Variants in PCDHGA2 observed in about 807,000 individuals in gnomAD.
PCDHGA2 encodes protocadherin gamma-A2.
Under a neutral mutation model 59.2 loss-of-function variants are expected in PCDHGA2, and 40 were observed. That is an observed-to-expected ratio of 0.68 (90% CI 0.52 to 0.88). The LOEUF (loss-of-function observed/expected upper bound fraction) is 0.88. Ranked by LOEUF, PCDHGA2 falls within the 40% of genes least tolerant of loss-of-function variation. The pLI, the probability that PCDHGA2 is intolerant of heterozygous loss-of-function variation, is 0.00. For synonymous variants in PCDHGA2, 560 were observed against 526.0 expected (o/e 1.06, Z -0.89); for missense variants, 1,226 against 1,204.0 (o/e 1.02, Z -0.27).
At chr5:141,499,019 AG>A (rs2099788634) in intron 2 of PCDHGA2, among the ~76,000 whole-genome samples, 3 of 150,840 alleles carry the variant, frequency 2.0e-5, no homozygotes, top group Non-Finnish European at 3.0e-5. Context: ...GAAGGAAGGA[AG>A]GAAGGAAGAA....
At position 141,440,639 on chromosome 5, in the gene PCDHGA2, T is replaced by C. The variant is rs2098191350; in HGVS notation, c.2425-54168T>C. On this transcript the variant is annotated intron_variant, in intron 1 of 3. Coordinates refer to ENST00000394576, the MANE Select transcript of PCDHGA2 (RefSeq NM_018915.4). ...GATCCTGATGTTGAGAGAAATTCCT[T>C]ACAAAATTATCACCTTAGCAGCAAC... 2 of 152,192 alleles carry C rather than the reference T, an allele frequency of 1.3e-5. 1 individual carries two copies. The highest frequency in any genetic ancestry group is 4.8e-5 in the African/African-American group (2 of 41,440). The allele number at this position is 152,192 out of a possible 1,614,324, so 9.4% of individuals were successfully genotyped here.
chr5:141,473,147 T>A (rs2099315103), intron 1 of PCDHGA2, among the ~76,000 whole-genome samples: 1 of 152,222 alleles, frequency 6.6e-6, no homozygotes, highest in Admixed American at 6.5e-5. Flanking sequence ...TCTCTTCAGA[T>A]CACTAGGGCT....
At chr5:141,345,388 T>C in intron 1 of PCDHGA2, 1 of 1,613,834 alleles carries the variant, frequency 6.2e-7, no homozygotes, top group South Asian at 1.1e-5. Context: ...CCACCCACCT[T>C]CCCTCATTTA....
At chr5:141,505,574 C>T (rs1275802375) in intron 3 of PCDHGA2, 93 bp downstream of exon 3, 13 of 1,593,636 alleles carry the variant, frequency 8.2e-6, no homozygotes, top group Non-Finnish European at 1.1e-5. Context: ...GGATGTCAAA[C>T]CTGTGTAGTT....
intron 1 of PCDHGA2, chr5:141,364,994 C>T: frequency 1.2e-6 from 2 of 1,613,924 alleles, no homozygotes; most frequent in Non-Finnish European, 1.7e-6. Flanking sequence ...AGACCCGGTA[C>T]TCTCCGGCAC....
chr5:141,372,395 C>G (rs1768730158), intron 1 of PCDHGA2: 1 of 1,613,942 alleles, frequency 6.2e-7, no homozygotes, highest in Admixed American at 1.7e-5. Context: ...TCGCAGATAG[C>G]TTGCAAGAGA....
intron 1 of PCDHGA2, among the ~76,000 whole-genome samples, chr5:141,480,259 G>A (rs1285833242): frequency 2.0e-5 from 3 of 151,174 alleles, no homozygotes; most frequent in African/African-American, 7.3e-5. Flanking sequence ...AAAAAAATGT[G>A]TTTTCATTAG....
At chr5:141,372,626 C>T (rs1385028650) in intron 1 of PCDHGA2, 3 of 1,613,792 alleles carry the variant, frequency 1.9e-6, no homozygotes, top group East Asian at 2.2e-5. Context: ...CCACCTACAG[C>T]GAAAGGACTT....
intron 1 of PCDHGA2, chr5:141,394,190 G>A (rs1370592594): frequency 1.9e-6 from 3 of 1,613,800 alleles, no homozygotes; most frequent in African/African-American, 1.3e-5. Context: ...CCTACTCAGC[G>A]TATATCCTAG....
intron 1 of PCDHGA2, chr5:141,376,156 G>T: frequency 6.2e-7 from 1 of 1,614,074 alleles, no homozygotes; most frequent in Non-Finnish European, 8.5e-7. Flanking sequence ...ACCTCACTCT[G>T]TACCTGGTGG....
intron 1 of PCDHGA2, 106 bp from the exon 2 acceptor site, chr5:141,494,701 C>T: frequency 6.3e-7 from 1 of 1,594,596 alleles, no homozygotes; most frequent in Admixed American, 1.7e-5. Flanking sequence ...CCGTTTTCTT[C>T]TCTGTGCCCA....
intron 1 of PCDHGA2, among the ~76,000 whole-genome samples, chr5:141,434,129 G>T (rs1242855904): frequency 6.6e-6 from 1 of 152,092 alleles, no homozygotes; most frequent in East Asian, 1.9e-4. Flanking sequence ...CTCCCTTTAG[G>T]CTGATTTCTA....
At chr5:141,357,844 T>G (rs1760744896) in intron 1 of PCDHGA2, 1 of 624,618 alleles carries the variant, frequency 1.6e-6, no homozygotes, top group Non-Finnish European at 2.7e-6. Flanking sequence ...CAGTTGTAGT[T>G]TCAGCCAGAA....
intron 1 of PCDHGA2, chr5:141,426,609 G>A (rs1026143678): frequency 5.2e-6 from 2 of 382,862 alleles, no homozygotes; most frequent in African/African-American, 4.2e-5. Flanking sequence ...AGAGATTGTA[G>A]CAGAGAATCC....
chr5:141,408,055 C>T lies in PCDHGA2; in HGVS notation c.2424+66660C>T, dbSNP rs1012762205. 35 of 1,299,012 alleles carry T rather than the reference C, an allele frequency of 2.7e-5. No homozygotes were observed. In the South Asian group the frequency reaches 3.8e-4, roughly 14 times the overall value. 80.5% of individuals were successfully genotyped at this position (1,299,012 alleles called of 1,614,324 possible). On this transcript the variant is annotated intron_variant, in intron 1 of 3. Coordinates refer to ENST00000394576, the MANE Select transcript of PCDHGA2 (RefSeq NM_018915.4). ...AAAACCAGCTCCCACACAGAGCCTCCCGGCTGCGCAGACCTTTCCCAGCAC... is the reference window on the plus strand; with the variant it reads ...AAAACCAGCTCCCACACAGAGCCTCTCGGCTGCGCAGACCTTTCCCAGCAC...
chr5:141,427,111 C>G (rs1324091636), intron 1 of PCDHGA2: 7 of 457,560 alleles, frequency 1.5e-5, no homozygotes, highest in South Asian at 1.1e-4. Context: ...GCGGAGATCA[C>G]CTACTCTTTC....
rs535752252 is a variant in PCDHGA2 at position 141,341,298 on chromosome 5, C to T, written c.2327C>T (p.Ala776Val). 1.9e-6 allele frequency: 3 copies of T among 1,614,238 alleles called. No individual in the cohort carries two copies. The highest frequency in any genetic ancestry group is 2.5e-6 in the Non-Finnish European group (3 of 1,180,048). ...CTGATTTTCCCCCAGCCCAACTATG[C>T]GGACACGCTCATCAGCCAGGAGAGC... ...SHLIFPQPNYADTLISQESCE... is the reference protein window; with the variant it reads ...SHLIFPQPNYVDTLISQESCE... Residue 776 changes from alanine to valine, a missense_variant, in exon 1 of 4, where the codon GCG (alanine) becomes GTG (valine). By Grantham distance (64) the Ala-to-Val change is moderately conservative (BLOSUM62 0). Coordinates refer to ENST00000394576, the MANE Select transcript of PCDHGA2 (RefSeq NM_018915.4).
chr5:141,498,437 G>C (rs996627716), intron 2 of PCDHGA2, among the ~76,000 whole-genome samples: 1 of 152,170 alleles, frequency 6.6e-6, no homozygotes, highest in Non-Finnish European at 1.5e-5. Flanking sequence ...GGGATGAAGA[G>C]GAGAGGTTCC....
At chr5:141,397,896 C>G (rs371654961) in intron 1 of PCDHGA2, 48 of 650,728 alleles carry the variant, frequency 7.4e-5, no homozygotes, top group African/African-American at 2.0e-4. Flanking sequence ...GGCCAAAGTG[C>G]AGAGCTTGGC....
Sources: allele counts gnomAD v4.1 joint callset (sites outside exome capture counted in the v4.1 genomes callset), GRCh38; gene constraint gnomAD v4.1.1; transcripts MANE v1.5; gene names NCBI Gene and HGNC (gene_info 2026-07-23, HGNC 2026-07-21).